The following TCF20 variants were observed in gnomAD, a reference collection of about 807,000 sequenced individuals.
TCF20 encodes transcription factor 20.
A neutral mutation model predicts 148.6 loss-of-function variants in TCF20; 3 were observed. The ratio of observed to expected loss-of-function variants is 0.02; its 90% CI spans 0.01 to 0.05. The LOEUF is 0.05. TCF20 is among the 10% of genes least tolerant of loss of function. The pLI, the probability that TCF20 is intolerant of heterozygous loss-of-function variation, is 1.00. For missense variants in TCF20, 2,350 were observed against 2,429.3 expected (o/e 0.97, Z 0.69); for synonymous variants, 1,049 against 909.5 (o/e 1.15, Z -2.76).
intron 1 of TCF20, among the ~76,000 whole-genome samples, chr22:42,331,542 C>A (rs1048779111): frequency 6.6e-6 from 1 of 152,270 alleles, no homozygotes; most frequent in Admixed American, 6.5e-5. Flanking sequence ...ACCCGGGCAA[C>A]CTTGCCTCTT....
At chr22:42,251,051 C>T (rs1173312523) in intron 1 of TCF20, among the ~76,000 whole-genome samples, 2 of 152,192 alleles carry the variant, frequency 1.3e-5, no homozygotes, top group Non-Finnish European at 2.9e-5. Flanking sequence ...TCACCTCCTA[C>T]CAGCCTCCAC....
chr22:42,244,712 T>C (rs1329847673), intron 1 of TCF20, among the ~76,000 whole-genome samples: 3 of 152,224 alleles, frequency 2.0e-5, no homozygotes, highest in South Asian at 2.1e-4. Context: ...GGTGCACACA[T>C]TGTGAATGCA....
intron 1 of TCF20, among the ~76,000 whole-genome samples, chr22:42,260,985 TA>T (rs1251611665): frequency 6.6e-6 from 1 of 152,162 alleles, no homozygotes; most frequent in Non-Finnish European, 1.5e-5. Flanking sequence ...TTCTATACTC[TA>T]AAAAGTTCCC....
chr22:42,304,041 G>A (rs967616608), intron 1 of TCF20, among the ~76,000 whole-genome samples: 9 of 152,018 alleles, frequency 5.9e-5, no homozygotes, highest in Non-Finnish European at 1.0e-4. Context: ...CCTGCCGCAA[G>A]AACATCAAAG....
chr22:42,331,230 G>A (rs1223318291), intron 1 of TCF20, among the ~76,000 whole-genome samples: 1 of 152,178 alleles, frequency 6.6e-6, no homozygotes, highest in Admixed American at 6.5e-5. Flanking sequence ...ACACCCGCCC[G>A]CCTGGCTGAC....
At chr22:42,318,184 G>C (rs1342194568) in intron 1 of TCF20, among the ~76,000 whole-genome samples, 2 of 152,258 alleles carry the variant, frequency 1.3e-5, no homozygotes, top group Non-Finnish European at 2.9e-5. Flanking sequence ...CTTGGAGCCA[G>C]CTTGTTTGGG....
At chr22:42,334,590 A>G (rs1928033762) in intron 1 of TCF20, among the ~76,000 whole-genome samples, 1 of 152,274 alleles carries the variant, frequency 6.6e-6, no homozygotes, top group Non-Finnish European at 1.5e-5. Context: ...CAACCGCTCC[A>G]GCCCTTACAC....
chr22:42,193,250 C>A (rs75385989), intron 2 of TCF20, among the ~76,000 whole-genome samples: 4,129 of 149,792 alleles, frequency 0.028, 196 homozygotes, highest in African/African-American at 0.095. Flanking sequence ...AGAAATCCTG[C>A]ATAATTCCTC....
At chr22:42,289,228 C>A (rs1569201795) in intron 1 of TCF20, among the ~76,000 whole-genome samples, 1 of 152,206 alleles carries the variant, frequency 6.6e-6, no homozygotes, top group African/African-American at 2.4e-5. Flanking sequence ...TGGACCTCCA[C>A]TTCAGGGAAG....
At chr22:42,301,321 G>A (rs1435365827) in intron 1 of TCF20, among the ~76,000 whole-genome samples, 2 of 152,194 alleles carry the variant, frequency 1.3e-5, no homozygotes, top group East Asian at 1.9e-4. Context: ...TCTGTGCCAC[G>A]CCCCAGGGAG....
chr22:42,318,651 C>T (rs11704435), intron 1 of TCF20, among the ~76,000 whole-genome samples: 61,073 of 151,868 alleles, frequency 0.4, 12,667 homozygotes, highest in East Asian at 0.58. Context: ...TCAGGGACCA[C>T]GAGTGAGGGA....
Position 42,211,597 on chromosome 22 carries a change from G to T in TCF20, c.3709C>A (p.Leu1237Met). Residue 1237 changes from leucine to methionine, a missense_variant, in exon 2 of 6, where the codon CTG becomes ATG. Physicochemically the swap from Leu to Met is conservative, Grantham distance 15 (BLOSUM62 2). Around this residue, in one of 7 missense-constraint regions of TCF20, gnomAD observed 1,641 missense variants for 1,662.6 expected, o/e 0.99. Transcript: ENST00000677622. Reference sequence around the variant, plus strand: ...TGATCCTCCTGGCCTGGAAGTCTCAGCATAACACTACCAGGTTTGGATGAC... The same window carrying T: ...TGATCCTCCTGGCCTGGAAGTCTCATCATAACACTACCAGGTTTGGATGAC... Reference protein sequence around the residue: ...TQSSKPGSVMLRLPGQEDHSS... With the variant: ...TQSSKPGSVMMRLPGQEDHSS... The T allele has an allele frequency of 1.2e-6, 2 of 1,614,226 alleles. No homozygotes were observed. Among genetic ancestry groups the T allele is most frequent in the Non-Finnish European group, 1.7e-6 (2 of 1,180,044 alleles).
chr22:42,177,645 C>T (rs962825996), intron 3 of TCF20, among the ~76,000 whole-genome samples: 1 of 152,174 alleles, frequency 6.6e-6, no homozygotes, highest in Admixed American at 6.5e-5. Flanking sequence ...CACTGCAAAA[C>T]ATCCCCCTAT....
chr22:42,291,483 G>A (rs553152134), intron 1 of TCF20, among the ~76,000 whole-genome samples: 19 of 152,312 alleles, frequency 1.2e-4, no homozygotes, highest in Admixed American at 4.6e-4. Context: ...GCTGCCCCTC[G>A]GCAAAGCAGC....
At chr22:42,245,051 C>A (rs763599660) in intron 1 of TCF20, among the ~76,000 whole-genome samples, 65 of 152,010 alleles carry the variant, frequency 4.3e-4, no homozygotes, top group South Asian at 1.5e-3. Context: ...CCACTGCACT[C>A]CAGCCTGGGC....
intron 1 of TCF20, among the ~76,000 whole-genome samples, chr22:42,226,779 T>C (rs1483219291): frequency 1.3e-5 from 2 of 151,744 alleles, no homozygotes; most frequent in African/African-American, 4.8e-5. Flanking sequence ...CAATGACCAA[T>C]CCAAAGCAGA....
chr22:42,328,378 G>A (rs910503194), intron 1 of TCF20, among the ~76,000 whole-genome samples: 4 of 152,288 alleles, frequency 2.6e-5, no homozygotes, highest in East Asian at 3.9e-4. Context: ...ATGTGGCTCC[G>A]AGGTCTAGGC....
At chr22:42,256,081 G>C (rs1170925632) in intron 1 of TCF20, among the ~76,000 whole-genome samples, 1 of 152,006 alleles carries the variant, frequency 6.6e-6, no homozygotes, top group Non-Finnish European at 1.5e-5. Flanking sequence ...CATCCTTCAA[G>C]GTCTACCCAA....
chr22:42,211,730 A>C lies in TCF20; in HGVS notation c.3576T>G (p.Ser1192=). The change falls in exon 2 of 6, where the codon TCT becomes TCG. Residue 1192 remains serine, a synonymous_variant. Coordinates refer to ENST00000677622, the MANE Select transcript of TCF20 (RefSeq NM_001378418.1). ...TGCTTTTGGCTGGAGAAGTTTGCCG[A>C]GAAAGATCCCAACAGGATTCTTGTA... The part of the protein sequence containing the change: ...QKLQESCWDL[S]RQTSPAKSSG... 6.2e-7 allele frequency: 1 copy of C among 1,614,194 alleles called. No individual in the cohort carries two copies. Among genetic ancestry groups the C allele is most frequent in the East Asian group, 2.2e-5 (1 of 44,886 alleles).
Sources: gnomAD v4.1 joint callset for allele counts (sites outside exome capture counted in the v4.1 genomes callset) on GRCh38, gnomAD v4.1.1 for gene constraint, gnomAD v4.1.1 regional missense constraint, MANE v1.5 for transcripts, NCBI Gene and HGNC (gene_info 2026-07-23, HGNC 2026-07-21) for gene names.